ZMAT4: variants seen among roughly 807,000 people sequenced by gnomAD.
The protein encoded by ZMAT4 is zinc finger matrin-type protein 4.
In ZMAT4, 17 loss-of-function variants were observed where a neutral mutation model predicts 28.7. The observed-to-expected ratio is 0.59, with a 90% CI of 0.41 to 0.89. ZMAT4 has a LOEUF of 0.89. Among genes scored for constraint, ZMAT4 ranks in the 40% least tolerant of loss-of-function variants. ZMAT4 has a pLI of 0.00. For missense variants in ZMAT4, 240 were observed against 283.8 expected, an observed-to-expected ratio of 0.85 and a Z score of 1.11; for synonymous variants, 117 against 109.2, an observed-to-expected ratio of 1.07 and a Z score of -0.44.
intron 2 of ZMAT4, among the ~76,000 whole-genome samples, chr8:40,821,562 T>C (rs1199904486): frequency 6.6e-6 from 1 of 152,210 alleles, no homozygotes; most frequent in African/African-American, 2.4e-5. Flanking sequence ...ATTAGGTTTT[T>C]CTGTCCTCTC....
At chr8:40,672,604 T>C (rs925596150) in intron 5 of ZMAT4, among the ~76,000 whole-genome samples, 3 of 152,130 alleles carry the variant, frequency 2.0e-5, no homozygotes, top group African/African-American at 7.2e-5. Flanking sequence ...TAAGATGTAG[T>C]TGTACATAAA....
intron 2 of ZMAT4, among the ~76,000 whole-genome samples, chr8:40,794,997 C>T (rs1355421144): frequency 6.6e-6 from 1 of 152,128 alleles, no homozygotes; most frequent in Non-Finnish European, 1.5e-5. Context: ...TGCAGAAACA[C>T]TCTGTCTTAG....
At chr8:40,719,439 C>T (rs1440963228) in intron 3 of ZMAT4, among the ~76,000 whole-genome samples, 3 of 151,270 alleles carry the variant, frequency 2.0e-5, no homozygotes, top group Admixed American at 6.6e-5. Context: ...TGTCTCAAAA[C>T]ATAAATAAAT....
chr8:40,761,882 A>G (rs1050720473), intron 3 of ZMAT4, among the ~76,000 whole-genome samples: 2 of 152,264 alleles, frequency 1.3e-5, no homozygotes, highest in African/African-American at 2.4e-5. Context: ...CAGTCAGGAC[A>G]GCAATTATAT....
At chr8:40,547,878 G>A (rs974804962) in intron 6 of ZMAT4, among the ~76,000 whole-genome samples, 12 of 152,184 alleles carry the variant, frequency 7.9e-5, no homozygotes, top group Non-Finnish European at 1.5e-4. Context: ...AAAATGATAA[G>A]GGCTGTGAAG....
At chr8:40,568,618 A>G (rs1008163389) in intron 6 of ZMAT4, among the ~76,000 whole-genome samples, 22 of 152,074 alleles carry the variant, frequency 1.4e-4, no homozygotes, top group African/African-American at 5.3e-4. Context: ...TATTATTATT[A>G]TTGTTGTTGC....
intron 5 of ZMAT4, among the ~76,000 whole-genome samples, chr8:40,645,047 T>C (rs926739423): frequency 7.2e-5 from 11 of 152,182 alleles, no homozygotes; most frequent in African/African-American, 2.7e-4. Flanking sequence ...TATAGTATTC[T>C]ATATGGGATC....
intron 5 of ZMAT4, among the ~76,000 whole-genome samples, chr8:40,624,243 TA>T (rs1308688074): frequency 6.6e-6 from 1 of 152,168 alleles, no homozygotes; most frequent in Non-Finnish European, 1.5e-5. Flanking sequence ...GGTGGCCCTA[TA>T]AGATGACAAA....
intron 1 of ZMAT4, among the ~76,000 whole-genome samples, chr8:40,864,182 G>A (rs1301911148): frequency 6.6e-6 from 1 of 152,220 alleles, no homozygotes; most frequent in African/African-American, 2.4e-5. Flanking sequence ...ATTTCATCTT[G>A]GAGCAGAAAG....
chr8:40,791,589 C>G (rs1261015052), intron 2 of ZMAT4, among the ~76,000 whole-genome samples: 2 of 152,200 alleles, frequency 1.3e-5, no homozygotes, highest in Non-Finnish European at 2.9e-5. Context: ...TGTAGTTCCC[C>G]ACACCCACAT....
At chr8:40,824,227 C>G (rs533602706) in intron 2 of ZMAT4, among the ~76,000 whole-genome samples, 57 of 152,194 alleles carry the variant, frequency 3.7e-4, no homozygotes, top group Non-Finnish European at 7.5e-4. Context: ...AAATTACTTA[C>G]AAGTTCTTAC....
chr8:40,787,868 G>A (rs142118033), intron 2 of ZMAT4, among the ~76,000 whole-genome samples: 2 of 152,276 alleles, frequency 1.3e-5, no homozygotes, highest in East Asian at 3.9e-4. Context: ...TTCATTTCTA[G>A]AATTTTCCTT....
At chr8:40,738,947 G>GT (rs1433231509) in intron 3 of ZMAT4, among the ~76,000 whole-genome samples, 6 of 152,120 alleles carry the variant, frequency 3.9e-5, no homozygotes, top group African/African-American at 1.4e-4. Flanking sequence ...GCTCATAAAA[G>GT]TTTCATTACA....
At chr8:40,568,830 C>T (rs1246593919) in intron 6 of ZMAT4, among the ~76,000 whole-genome samples, 1 of 152,118 alleles carries the variant, frequency 6.6e-6, no homozygotes, top group Non-Finnish European at 1.5e-5. Flanking sequence ...TCCACAATAA[C>T]CTTTCTTGAT....
chr8:40,732,248 A>T (rs910330511), intron 3 of ZMAT4, among the ~76,000 whole-genome samples: 38 of 151,074 alleles, frequency 2.5e-4, no homozygotes, highest in African/African-American at 8.3e-4. Context: ...CCCAATTTTT[A>T]AAAATTGGGA....
chr8:40,765,721 GACCATCTTGAGCCTGTACAACTACA>G (rs1259194060), intron 3 of ZMAT4, among the ~76,000 whole-genome samples: 1 of 152,160 alleles, frequency 6.6e-6, no homozygotes, highest in Non-Finnish European at 1.5e-5. Flanking sequence ...GAGTGGCAAG[GACCATCTTGAGCCTGTACAACTACA>G]ACACTAGCTT....
chr8:40,794,455 A>G (rs757039243), intron 2 of ZMAT4, among the ~76,000 whole-genome samples: 17 of 152,196 alleles, frequency 1.1e-4, no homozygotes, highest in Non-Finnish European at 1.5e-4. Flanking sequence ...CTCCAGCCAG[A>G]TGACTCCAGG....
At chr8:40,756,663 G>A (rs1174132133) in intron 3 of ZMAT4, among the ~76,000 whole-genome samples, 1 of 104,038 alleles carries the variant, frequency 9.6e-6, no homozygotes, top group Non-Finnish European at 2.1e-5. Flanking sequence ...GTGTGTGTGT[G>A]TGTGTACTGG....
At chr8:40,631,677 C>T (rs1481233332) in intron 5 of ZMAT4, among the ~76,000 whole-genome samples, 1 of 152,154 alleles carries the variant, frequency 6.6e-6, no homozygotes, top group Non-Finnish European at 1.5e-5. Flanking sequence ...ACAGAAGCAA[C>T]ATAATGGTAC....
Sources: gnomAD v4.1 joint callset for allele counts (sites outside exome capture counted in the v4.1 genomes callset) on GRCh38, gnomAD v4.1.1 for gene constraint, MANE v1.5 for transcripts, NCBI Gene and HGNC (gene_info 2026-07-23, HGNC 2026-07-21) for gene names.